AHCY: variants seen among roughly 807,000 people sequenced by gnomAD.
AHCY encodes adenosylhomocysteinase.
A neutral mutation model predicts 45.4 loss-of-function variants in AHCY; 24 were observed. That is an observed-to-expected ratio of 0.53 (90% CI 0.38 to 0.74). AHCY has a LOEUF of 0.74. Ranked by LOEUF, AHCY falls within the 30% of genes least tolerant of loss-of-function variation. The pLI, the probability that AHCY is intolerant of heterozygous loss-of-function variation, is 0.00. For synonymous variants in AHCY, 245 were observed against 235.1 expected (o/e 1.04, Z -0.39); for missense variants, 449 against 594.1 (o/e 0.76, Z 2.54).
the AHCY span, chr20:34,262,857 CG>C: frequency 6.2e-7 from 1 of 1,613,884 alleles, no homozygotes; most frequent in South Asian, 1.1e-5. Flanking sequence ...CCAAACAGAT[CG>C]GCAGAAAAGC....
downstream of AHCY, among the ~76,000 whole-genome samples, chr20:34,278,675 A>G (rs2035932813): frequency 6.6e-6 from 1 of 152,224 alleles, no homozygotes; most frequent in African/African-American, 2.4e-5. Flanking sequence ...ACCACATACA[A>G]AAGTCAGCTC....
chr20:34,303,353 G>A lies in AHCY; in HGVS notation c.-83C>T. The stretch of plus-strand genomic sequence containing the variant: ...GGAACTGGGCGGGCAGCGCCGAGCA[G>A]GGATATGCGCGTGGCGCCGACGCCT... On this transcript the variant is annotated 5_prime_UTR_variant, in exon 1 of 10. Transcript: ENST00000217426. The A allele has an allele frequency of 3.9e-6, 6 of 1,537,410 alleles. No homozygotes were observed. The highest frequency in any genetic ancestry group is 2.4e-5 in the East Asian group (1 of 40,826).
chr20:34,255,914 G>C, the AHCY span, among the ~76,000 whole-genome samples: 1 of 152,156 alleles, frequency 6.6e-6, no homozygotes, highest in Non-Finnish European at 1.5e-5. Context: ...GGGGGAGTTA[G>C]AGAAGACTCT....
chr20:34,290,258 C>T lies in AHCY; in HGVS notation c.972+74G>A. On this transcript the variant is annotated intron_variant, in intron 8 of 9. Transcript: ENST00000217426. This position sits in a 1 kb window ranked among gnomAD's most constrained non-coding sequence, Gnocchi z 4.5. ...GCACAGGTTGCCACCATCTCCTCAG[C>T]TCTCCTCCCTGGCAGCCAGCACTCC... The T allele has an allele frequency of 6.9e-7, 1 of 1,447,548 alleles. No individual in the cohort carries two copies. The highest frequency in any genetic ancestry group is 9.7e-7 in the Non-Finnish European group (1 of 1,035,504). 89.7% of individuals were successfully genotyped at this position (1,447,548 alleles called of 1,614,324 possible).
chr20:34,253,263 G>A, the AHCY span, among the ~76,000 whole-genome samples: 4 of 151,110 alleles, frequency 2.6e-5, no homozygotes, highest in African/African-American at 4.9e-5. Context: ...CTGCCACCAC[G>A]CCCGCCTAAT....
chr20:34,262,905 G>C, the AHCY span: 2 of 1,613,810 alleles, frequency 1.2e-6, no homozygotes, highest in Non-Finnish European at 8.5e-7. Flanking sequence ...TAAGGGCAGG[G>C]AAGTTCTGGG....
At chr20:34,236,637 G>T in the AHCY span, among the ~76,000 whole-genome samples, 1 of 152,090 alleles carries the variant, frequency 6.6e-6, no homozygotes, top group African/African-American at 2.4e-5. Flanking sequence ...AATTGCCTGA[G>T]CCCAGGAGTT....
chr20:34,238,218 T>G, the AHCY span, among the ~76,000 whole-genome samples: 2 of 152,172 alleles, frequency 1.3e-5, no homozygotes, highest in Non-Finnish European at 2.9e-5. Flanking sequence ...TAATCAATGT[T>G]TCTTCAAATA....
At chr20:34,298,516 GCC>G (rs1310935053) in intron 1 of AHCY, among the ~76,000 whole-genome samples, 1 of 150,558 alleles carries the variant, frequency 6.6e-6, no homozygotes, top group African/African-American at 2.4e-5. Context: ...CTGGGAAGAC[GCC>G]CGTTACCAGG....
intron 1 of AHCY, 23 bp downstream of exon 1, chr20:34,303,220 C>T (rs1355934755): frequency 1.9e-6 from 3 of 1,551,196 alleles, no homozygotes; most frequent in East Asian, 2.4e-5. Context: ...CGGCCGCAAC[C>T]GGCTGCAGGT....
the AHCY span, among the ~76,000 whole-genome samples, chr20:34,248,943 C>A: frequency 5.3e-5 from 8 of 150,460 alleles, no homozygotes; most frequent in African/African-American, 2.0e-4. Context: ...CATGGTAAAA[C>A]CCCATCTCTA....
Position 34,280,872 on chromosome 20 carries a change from T to C in AHCY, c.*162A>G. The stretch of plus-strand genomic sequence containing the variant: ...GTTCCCGCTGCCACATTTGGAACAG[T>C]ATGACGGCTGCAGCAGAGGCCAAAA... On this transcript the variant is annotated 3_prime_UTR_variant, in exon 10 of 10. Transcript: ENST00000217426. 1 of 1,080,664 alleles carries C rather than the reference T, an allele frequency of 9.3e-7. No homozygotes were observed. The highest frequency in any genetic ancestry group is 1.3e-6 in the Non-Finnish European group (1 of 741,950). 66.9% of individuals were successfully genotyped at this position (1,080,664 alleles called of 1,614,324 possible).
Position 34,280,368 on chromosome 20 carries a change from C to T in AHCY, c.*666G>A, listed in dbSNP as rs2035961861. The T allele has an allele frequency of 6.5e-6, 1 of 152,748 alleles. No homozygotes were observed. Among genetic ancestry groups the T allele is most frequent in the African/African-American group, 2.4e-5 (1 of 41,454 alleles). The allele number at this position is 152,748 out of a possible 1,614,324, so 9.5% of individuals were successfully genotyped here. ...GACCCAGGGTTGTGAAAGGAACCATCTGGTTATAAAGTGGTGGCAGATTTC... is the reference window on the plus strand; with the variant it reads ...GACCCAGGGTTGTGAAAGGAACCATTTGGTTATAAAGTGGTGGCAGATTTC... On this transcript the variant is annotated 3_prime_UTR_variant, in exon 10 of 10. Coordinates refer to ENST00000217426, the MANE Select transcript of AHCY (RefSeq NM_000687.4).
the AHCY span, among the ~76,000 whole-genome samples, chr20:34,265,656 A>G: frequency 6.6e-6 from 1 of 152,070 alleles, no homozygotes; most frequent in African/African-American, 2.4e-5. Flanking sequence ...AACTATAAAA[A>G]TAAGTAAAGT....
chr20:34,245,515 G>A, the AHCY span, among the ~76,000 whole-genome samples: 1 of 151,240 alleles, frequency 6.6e-6, no homozygotes, highest in African/African-American at 2.4e-5. Flanking sequence ...AGCCTCCTGA[G>A]TAGCTGGGAC....
At chr20:34,232,760 G>A in the AHCY span, among the ~76,000 whole-genome samples, 1 of 152,222 alleles carries the variant, frequency 6.6e-6, no homozygotes, top group Non-Finnish European at 1.5e-5. Flanking sequence ...ACCTTTGACA[G>A]CACCAGGCAC....
rs372987079 is a variant in AHCY at position 34,303,312 on chromosome 20, C to A, written c.-42G>T. 2.6e-6 allele frequency: 4 copies of A among 1,551,578 alleles called. No homozygotes were observed. The African/African-American group carries it at 4.1e-5, about 16-fold the overall frequency. On this transcript the variant is annotated 5_prime_UTR_variant, in exon 1 of 10. Transcript: ENST00000217426. ...ATGGAAACGGGCGAAGGGGGCTGGG[C>A]CTCAGTCTGGGAACAGGAACTGGGC...
chr20:34,294,230 G>C (rs1322634565), intron 2 of AHCY, 74 bp from the exon 3 acceptor site: 2 of 1,391,390 alleles, frequency 1.4e-6, no homozygotes, highest in Non-Finnish European at 2.0e-6. Context: ...GCGAGGAAAA[G>C]GGAGAGCTTC....
intron 1 of AHCY, among the ~76,000 whole-genome samples, chr20:34,309,139 T>C (rs2036923895): frequency 6.6e-6 from 1 of 151,302 alleles, no homozygotes; most frequent in African/African-American, 2.4e-5. Context: ...TTTGTATTTT[T>C]AGTAGAGACA....
Sources: gnomAD v4.1 joint callset for allele counts (sites outside exome capture counted in the v4.1 genomes callset) on GRCh38, gnomAD v4.1.1 for gene constraint, Gnocchi (gnomAD v3.1) non-coding constraint, MANE v1.5 for transcripts, NCBI Gene and HGNC (gene_info 2026-07-23, HGNC 2026-07-21) for gene names.